The following ATL1 variants were observed in gnomAD, a reference collection of about 807,000 sequenced individuals.
ATL1 encodes atlastin-1.
ATL1 carries 31 observed loss-of-function variants against 75.5 expected under a neutral mutation model. The observed-to-expected ratio is 0.41, with a 90% CI of 0.31 to 0.55. The LOEUF (loss-of-function observed/expected upper bound fraction) is 0.55, where lower values mean the gene tolerates loss of function less well. Ranked by LOEUF, ATL1 falls within the 20% of genes least tolerant of loss-of-function variation. The pLI, the probability that ATL1 is intolerant of heterozygous loss-of-function variation, is 0.27. For missense variants in ATL1, 405 were observed against 662.6 expected, an observed-to-expected ratio of 0.61 and a Z score of 4.27; for synonymous variants, 226 against 233.3, an observed-to-expected ratio of 0.97 and a Z score of 0.28.
chr14:50,618,499 G>T, intron 8 of ATL1, among the ~76,000 whole-genome samples: 1 of 152,122 alleles, frequency 6.6e-6, no homozygotes, highest in East Asian at 1.9e-4. Flanking sequence ...ACGGTCACTA[G>T]AATTTCAAAG....
intron 1 of ATL1, among the ~76,000 whole-genome samples, chr14:50,544,389 G>A (rs150998153): frequency 6.6e-5 from 10 of 152,272 alleles, no homozygotes; most frequent in Admixed American, 6.5e-5. Flanking sequence ...ACACTCCCCC[G>A]TCTTAGGGAA....
chr14:50,619,630 A>C (rs970597896), intron 8 of ATL1, among the ~76,000 whole-genome samples: 5 of 152,246 alleles, frequency 3.3e-5, no homozygotes, highest in African/African-American at 1.2e-4. Flanking sequence ...CTACTGCTAC[A>C]GCTTGGGTTA....
intron 1 of ATL1, among the ~76,000 whole-genome samples, chr14:50,571,636 A>T (rs1262104154): frequency 6.6e-6 from 1 of 152,150 alleles, no homozygotes; most frequent in Non-Finnish European, 1.5e-5. Flanking sequence ...AGATCAATAG[A>T]TTTTTTATGT....
chr14:50,579,275 G>A (rs1427600157), intron 1 of ATL1, among the ~76,000 whole-genome samples: 1 of 152,122 alleles, frequency 6.6e-6, no homozygotes, highest in Non-Finnish European at 1.5e-5. Context: ...TATTGCAGTG[G>A]CACCTTTGTT....
At chr14:50,572,144 GT>G in intron 1 of ATL1, 1 of 395,162 alleles carries the variant, frequency 2.5e-6, no homozygotes, top group South Asian at 2.1e-5. Flanking sequence ...TGCTCATGGT[GT>G]CTTTTCCGTG....
At chr14:50,620,770 T>C (rs1156402402) in intron 9 of ATL1, 44 bp downstream of exon 9, 1 of 1,607,366 alleles carries the variant, frequency 6.2e-7, no homozygotes, top group Admixed American at 1.7e-5. Flanking sequence ...AGATTTGACA[T>C]ATATTGGATC....
intron 1 of ATL1, among the ~76,000 whole-genome samples, chr14:50,544,880 T>C (rs2038608975): frequency 7.5e-6 from 1 of 132,746 alleles, no homozygotes; most frequent in Non-Finnish European, 1.5e-5. Flanking sequence ...GATGCTGCAA[T>C]GAGCTATGAT....
At chr14:50,544,242 G>T (rs761462293) in intron 1 of ATL1, among the ~76,000 whole-genome samples, 1 of 152,206 alleles carries the variant, frequency 6.6e-6, no homozygotes, top group African/African-American at 2.4e-5. Context: ...TGAGTTAAGG[G>T]TTATGGGAAA....
At chr14:50,605,868 T>C (rs539515267) in intron 6 of ATL1, among the ~76,000 whole-genome samples, 53 of 152,124 alleles carry the variant, frequency 3.5e-4, no homozygotes, top group Non-Finnish European at 5.9e-4. Flanking sequence ...TCTTTCTGGG[T>C]TAAAAGAATT....
intron 5 of ATL1, among the ~76,000 whole-genome samples, chr14:50,594,588 C>T (rs189699099): frequency 1.9e-4 from 29 of 152,290 alleles, no homozygotes; most frequent in Admixed American, 1.8e-3. Flanking sequence ...AGCAGAGTTT[C>T]GGTTTACAAC....
chr14:50,556,801 C>T (rs1046464673), upstream of ATL1, among the ~76,000 whole-genome samples: 3 of 152,170 alleles, frequency 2.0e-5, no homozygotes, highest in African/African-American at 7.2e-5. Flanking sequence ...AAGGTCCATC[C>T]ATGTTGTACC....
intron 1 of ATL1, among the ~76,000 whole-genome samples, chr14:50,580,542 C>G (rs1456000566): frequency 6.6e-6 from 1 of 151,954 alleles, no homozygotes; most frequent in Non-Finnish European, 1.5e-5. Flanking sequence ...TTAAATTAAC[C>G]TTGAATTCCT....
At chr14:50,543,925 C>T (rs1042972589) in intron 1 of ATL1, among the ~76,000 whole-genome samples, 6 of 152,120 alleles carry the variant, frequency 3.9e-5, no homozygotes, top group South Asian at 2.1e-4. Context: ...TTCTATTTAA[C>T]GGGAAGCTGA....
chr14:50,536,159 T>C (rs1158749433), intron 1 of ATL1, among the ~76,000 whole-genome samples: 3 of 152,214 alleles, frequency 2.0e-5, no homozygotes, highest in East Asian at 1.9e-4. Flanking sequence ...ATACATTAAA[T>C]TGAGGTCTGG....
rs372066395 is a variant in ATL1, at chr14:50,597,220, C to CAAAAAAAAAAAAAA, written c.630+1601_630+1602insAAAAAAAAAAAAAA. On this transcript the variant is annotated intron_variant, in intron 6 of 13. Transcript: ENST00000358385. ...CAAGACTCTGTCTCAAAAAAACAAA[C>CAAAAAAAAAAAAAA]AAAAAAAAAAAAAGAAAAAAGAAAA... 5.2e-3 allele frequency among the ~76,000 whole-genome samples: 565 copies of CAAAAAAAAAAAAAA among 108,224 alleles called. 3 individuals carry two copies. Among genetic ancestry groups the CAAAAAAAAAAAAAA allele is most frequent in the African/African-American group, 9.1e-3 (219 of 24,080 alleles). 71.0% of individuals were successfully genotyped at this position (108,224 alleles called of 152,430 possible). A position where few individuals can be genotyped will look rare whatever the true frequency, so the allele number is the denominator to read the frequency against.
chr14:50,607,227 T>C lies in ATL1; in HGVS notation c.631-6032T>C, dbSNP rs530607364. Among the ~76,000 whole-genome samples, 3 of 152,112 alleles carry C rather than the reference T, an allele frequency of 2.0e-5. No homozygotes were observed. The East Asian group carries it at 5.8e-4, about 29-fold the overall frequency. On this transcript the variant is annotated intron_variant, in intron 6 of 13. Coordinates refer to ENST00000358385, the MANE Select transcript of ATL1 (RefSeq NM_015915.5). ...GTGAAGGCATTCAAAAATGGTACAA[T>C]GAGACGTCCAGAATTGGCAAAGGAT...
intron 1 of ATL1, among the ~76,000 whole-genome samples, chr14:50,537,567 A>G (rs971286931): frequency 5.9e-5 from 9 of 152,176 alleles, no homozygotes; most frequent in Admixed American, 3.9e-4. Context: ...AGCTGCAGAC[A>G]CTCAACATGG....
intron 4 of ATL1, among the ~76,000 whole-genome samples, chr14:50,592,929 A>AATATATAT (rs1555364084): frequency 6.1e-5 from 7 of 113,882 alleles, no homozygotes; most frequent in African/African-American, 2.5e-4. Flanking sequence ...AAAAAAAAAA[A>AATATATAT]ATATATATAT....
At chr14:50,629,565 G>A (rs1281393911) in intron 12 of ATL1, among the ~76,000 whole-genome samples, 1 of 140,808 alleles carries the variant, frequency 7.1e-6, no homozygotes, top group Non-Finnish European at 1.5e-5. Flanking sequence ...TGGGCAACAA[G>A]AGTGAAGCTC....
Sources: allele counts gnomAD v4.1 joint callset (sites outside exome capture counted in the v4.1 genomes callset), GRCh38; gene constraint gnomAD v4.1.1; transcripts MANE v1.5; gene names NCBI Gene and HGNC (gene_info 2026-07-23, HGNC 2026-07-21).